PTPRD: variants seen among roughly 807,000 people sequenced by gnomAD.
The protein encoded by PTPRD is protein tyrosine phosphatase receptor type D.
A neutral mutation model predicts 214.5 loss-of-function variants in PTPRD; 34 were observed. The observed-to-expected ratio is 0.16, with a 90% CI of 0.12 to 0.21. The LOEUF (loss-of-function observed/expected upper bound fraction) is 0.21, where lower values mean the gene tolerates loss of function less well. PTPRD is among the 10% of genes least tolerant of loss of function. PTPRD has a pLI of 1.00. For missense variants in PTPRD, 2,545 were observed against 2,398.7 expected (o/e 1.06, Z -1.27); for synonymous variants, 1,128 against 845.7 (o/e 1.33, Z -5.79).
At chr9:8,811,888 A>T (rs1308805105) in intron 11 of PTPRD, among the ~76,000 whole-genome samples, 1 of 152,174 alleles carries the variant, frequency 6.6e-6, no homozygotes, top group African/African-American at 2.4e-5. Context: ...AGCATTTCCC[A>T]TCTGAAAGAC....
intron 12 of PTPRD, among the ~76,000 whole-genome samples, chr9:8,711,716 T>G (rs192517697): frequency 9.3e-4 from 142 of 152,282 alleles, no homozygotes; most frequent in African/African-American, 3.3e-3. Context: ...TCTGTTGGTT[T>G]TGCTTTTTAG....
chr9:8,962,360 A>G (rs1009151906), intron 11 of PTPRD, among the ~76,000 whole-genome samples: 14 of 152,246 alleles, frequency 9.2e-5, no homozygotes, highest in African/African-American at 3.1e-4. Flanking sequence ...AGAGGCTAAT[A>G]TGTGCCACCT....
chr9:9,133,822 G>C (rs1340524294), intron 10 of PTPRD, among the ~76,000 whole-genome samples: 3 of 152,122 alleles, frequency 2.0e-5, no homozygotes, highest in Non-Finnish European at 4.4e-5. Flanking sequence ...TGTAGAATGA[G>C]AAAGGCTCCC....
chr9:10,537,290 C>G (rs1021634947), intron 2 of PTPRD, among the ~76,000 whole-genome samples: 7 of 152,168 alleles, frequency 4.6e-5, no homozygotes, highest in African/African-American at 1.7e-4. Context: ...CAGCCTTCTT[C>G]ACACACTGAT....
chr9:9,841,432 T>G (rs996549296), intron 5 of PTPRD, among the ~76,000 whole-genome samples: 4 of 152,146 alleles, frequency 2.6e-5, no homozygotes, highest in African/African-American at 9.7e-5. Flanking sequence ...ACTCTTTGAT[T>G]TGGGATAAGT....
intron 5 of PTPRD, among the ~76,000 whole-genome samples, chr9:9,772,760 G>A (rs755811253): frequency 2.7e-5 from 4 of 147,444 alleles, no homozygotes; most frequent in Non-Finnish European, 5.9e-5. Flanking sequence ...TGATAAAATT[G>A]CCATCTTCAC....
chr9:8,657,808 C>G (rs555297688), intron 12 of PTPRD, among the ~76,000 whole-genome samples: 1 of 152,238 alleles, frequency 6.6e-6, no homozygotes, highest in Non-Finnish European at 1.5e-5. Context: ...TTTTTAAAGG[C>G]ACACAGTAGT....
intron 4 of PTPRD, among the ~76,000 whole-genome samples, chr9:9,954,210 C>T (rs1453386418): frequency 1.4e-5 from 2 of 145,668 alleles, no homozygotes; most frequent in Middle Eastern, 3.5e-3. Flanking sequence ...GGATGAGAAT[C>T]GCTTGAACCT....
At chr9:9,448,996 T>G (rs1363325645) in intron 8 of PTPRD, among the ~76,000 whole-genome samples, 2 of 152,112 alleles carry the variant, frequency 1.3e-5, no homozygotes, top group African/African-American at 4.8e-5. Context: ...TATCTCCACT[T>G]TCAGCTTCGC....
intron 39 of PTPRD, among the ~76,000 whole-genome samples, chr9:8,349,695 T>G (rs537457229): frequency 6.6e-6 from 1 of 152,316 alleles, no homozygotes; most frequent in Non-Finnish European, 1.5e-5. Flanking sequence ...ACCCTGTGCT[T>G]CAGGCTGAGG....
chr9:10,149,836 T>C (rs2099048665), intron 3 of PTPRD, among the ~76,000 whole-genome samples: 1 of 151,586 alleles, frequency 6.6e-6, no homozygotes, highest in Admixed American at 6.6e-5. Context: ...GTTCAAGCAA[T>C]TCTTCTGCCT....
intron 11 of PTPRD, among the ~76,000 whole-genome samples, chr9:8,934,481 A>ATT (rs2098980293): frequency 1.5e-4 from 1 of 6,474 alleles, no homozygotes; most frequent in Non-Finnish European, 2.8e-4. Context: ...ATATATAAAT[A>ATT]TATATATATA....
At chr9:8,428,374 C>G (rs1590155933) in intron 35 of PTPRD, among the ~76,000 whole-genome samples, 1 of 152,184 alleles carries the variant, frequency 6.6e-6, no homozygotes, top group Non-Finnish European at 1.5e-5. Context: ...ATCCCAGGTA[C>G]AAAAATGTTG....
At chr9:9,419,613 C>A (rs2078058069) in intron 8 of PTPRD, among the ~76,000 whole-genome samples, 2 of 151,666 alleles carry the variant, frequency 1.3e-5, no homozygotes, top group Admixed American at 6.6e-5. Flanking sequence ...ATCATCCTTT[C>A]TTTGTTCATG....
intron 2 of PTPRD, among the ~76,000 whole-genome samples, chr9:10,347,409 C>CTTTTT (rs201173966): frequency 7.8e-6 from 1 of 127,934 alleles, no homozygotes; most frequent in South Asian, 2.5e-4. Flanking sequence ...AGCTATTTGT[C>CTTTTT]TTTTTTTTTT....
At chr9:9,616,854 T>C (rs567382012) in intron 7 of PTPRD, among the ~76,000 whole-genome samples, 1 of 152,302 alleles carries the variant, frequency 6.6e-6, no homozygotes, top group African/African-American at 2.4e-5. Context: ...AGTTCTAATT[T>C]GATTGCACTA....
At chr9:10,093,808 C>A (rs1229047950) in intron 3 of PTPRD, among the ~76,000 whole-genome samples, 1 of 151,322 alleles carries the variant, frequency 6.6e-6, no homozygotes, top group Admixed American at 6.6e-5. Flanking sequence ...AGCTGGAGAC[C>A]ATTACCATAA....
chr9:8,594,869 T>G (rs1477689969), intron 14 of PTPRD, among the ~76,000 whole-genome samples: 3 of 148,866 alleles, frequency 2.0e-5, no homozygotes. Context: ...CCTTTTTTTT[T>G]TTTTTTTTTT....
intron 10 of PTPRD, among the ~76,000 whole-genome samples, chr9:9,081,375 T>C (rs2099758786): frequency 6.6e-6 from 1 of 152,168 alleles, no homozygotes; most frequent in Non-Finnish European, 1.5e-5. Context: ...TGTTATGATT[T>C]CCATTCTTTT....
Sources: gnomAD v4.1 joint callset for allele counts (sites outside exome capture counted in the v4.1 genomes callset) on GRCh38, gnomAD v4.1.1 for gene constraint, MANE v1.5 for transcripts, NCBI Gene and HGNC (gene_info 2026-07-23, HGNC 2026-07-21) for gene names.